Variants in RIMS2 observed in about 807,000 individuals in gnomAD.
The protein encoded by RIMS2 is regulating synaptic membrane exocytosis protein 2.
RIMS2 carries 59 observed loss-of-function variants against 174.4 expected under a neutral mutation model. The observed-to-expected ratio is 0.34, with a 90% CI of 0.27 to 0.42. RIMS2 has a LOEUF of 0.42. RIMS2 is among the 10% of genes least tolerant of loss of function. RIMS2 has a pLI of 1.00. For missense variants in RIMS2, 1,620 were observed against 1,666.3 expected (o/e 0.97, Z 0.48); for synonymous variants, 606 against 572.5 (o/e 1.06, Z -0.84).
intron 2 of RIMS2, among the ~76,000 whole-genome samples, chr8:103,757,893 G>C (rs2098047005): frequency 6.6e-6 from 1 of 152,196 alleles, no homozygotes; most frequent in Non-Finnish European, 1.5e-5. Flanking sequence ...GATTGCCAGA[G>C]GAGACAAGGA....
intron 15 of RIMS2, among the ~76,000 whole-genome samples, chr8:103,964,136 T>G (rs754909746): frequency 8.5e-5 from 13 of 152,246 alleles, no homozygotes; most frequent in Non-Finnish European, 1.6e-4. Context: ...TATAAACATC[T>G]GTGTGCAGGT....
chr8:103,571,949 A>T (rs769326726), intron 1 of RIMS2, among the ~76,000 whole-genome samples: 19 of 152,230 alleles, frequency 1.2e-4, no homozygotes, highest in Non-Finnish European at 2.6e-4. Context: ...TGACAGAAGC[A>T]ACAGCGTCAA....
chr8:104,132,104 A>G (rs1346016455), intron 19 of RIMS2, among the ~76,000 whole-genome samples: 1 of 152,162 alleles, frequency 6.6e-6, no homozygotes, highest in Admixed American at 6.5e-5. Flanking sequence ...AATAATTTAG[A>G]AAGTTATTCA....
At chr8:103,644,083 C>G (rs539251330) in intron 1 of RIMS2, among the ~76,000 whole-genome samples, 1 of 151,976 alleles carries the variant, frequency 6.6e-6, no homozygotes, top group South Asian at 2.1e-4. Flanking sequence ...ACCGAGAGAA[C>G]CCGGTGGAGC....
At chr8:103,567,846 T>G (rs2092489956) in intron 1 of RIMS2, among the ~76,000 whole-genome samples, 1 of 152,246 alleles carries the variant, frequency 6.6e-6, no homozygotes, top group Non-Finnish European at 1.5e-5. Context: ...TTTGGTTGTT[T>G]CCATCCTGGT....
At chr8:103,885,463 T>C in exon 4 of RIMS2, 1 of 1,612,650 alleles carries the variant, frequency 6.2e-7, no homozygotes, top group Non-Finnish European at 8.5e-7. Context: ...ATGAAGACTC[T>C]GATCATTTAA....
At chr8:104,074,167 C>G (rs1160312221) in intron 19 of RIMS2, among the ~76,000 whole-genome samples, 1 of 152,076 alleles carries the variant, frequency 6.6e-6, no homozygotes, top group Non-Finnish European at 1.5e-5. Flanking sequence ...CATATATGAG[C>G]TCTTCAAAAA....
At chr8:103,569,053 C>G (rs13264041) in intron 1 of RIMS2, 1 of 381,092 alleles carries the variant, frequency 2.6e-6, no homozygotes, top group Admixed American at 4.2e-5. Flanking sequence ...TCCAATTTAT[C>G]TTTTTTTTTG....
At chr8:104,091,425 A>G (rs1273029493) in intron 19 of RIMS2, among the ~76,000 whole-genome samples, 2 of 151,460 alleles carry the variant, frequency 1.3e-5, no homozygotes, top group Non-Finnish European at 1.5e-5. Flanking sequence ...AGTCTCCCAT[A>G]CGGAGTATAG....
intron 1 of RIMS2, among the ~76,000 whole-genome samples, chr8:103,536,327 C>T (rs773173855): frequency 2.0e-5 from 3 of 152,040 alleles, no homozygotes; most frequent in Admixed American, 1.3e-4. Context: ...GCAGAGAAGA[C>T]TTTAAGACTC....
At chr8:104,220,149 C>G (rs946452819) in intron 19 of RIMS2, among the ~76,000 whole-genome samples, 2 of 151,756 alleles carry the variant, frequency 1.3e-5, no homozygotes, top group African/African-American at 4.8e-5. Context: ...TCTCTGGTAC[C>G]TCTGTGCCAA....
At chr8:103,978,951 CTT>C (rs1284399919) in intron 16 of RIMS2, among the ~76,000 whole-genome samples, 3 of 152,066 alleles carry the variant, frequency 2.0e-5, no homozygotes, top group Non-Finnish European at 2.9e-5. Flanking sequence ...CAAAACATAA[CTT>C]TACAAAAAAT....
intron 19 of RIMS2, among the ~76,000 whole-genome samples, chr8:104,143,266 GT>G (rs1177364444): frequency 6.6e-6 from 1 of 152,170 alleles, no homozygotes; most frequent in Non-Finnish European, 1.5e-5. Flanking sequence ...GTGAAATAAA[GT>G]TTATTTGTAG....
chr8:103,649,771 G>A (rs144807399), intron 1 of RIMS2, among the ~76,000 whole-genome samples: 3 of 151,934 alleles, frequency 2.0e-5, no homozygotes, highest in Non-Finnish European at 4.4e-5. Context: ...GCTCCATCAG[G>A]TTGGTTATAT....
chr8:103,918,570 G>T, intron 9 of RIMS2, 83 bp downstream of exon 12: 1 of 936,212 alleles, frequency 1.1e-6, no homozygotes, highest in Non-Finnish European at 1.8e-6. Flanking sequence ...CTAGTAATGT[G>T]AAGTAAGAAA....
At chr8:103,649,990 A>G (rs2096418885) in intron 1 of RIMS2, among the ~76,000 whole-genome samples, 2 of 152,122 alleles carry the variant, frequency 1.3e-5, no homozygotes, top group Admixed American at 1.3e-4. Flanking sequence ...CATTTGAAGG[A>G]GAAGAGCTGT....
At chr8:103,988,956 C>T (rs1417758282) in intron 16 of RIMS2, among the ~76,000 whole-genome samples, 5 of 152,122 alleles carry the variant, frequency 3.3e-5, no homozygotes, top group Non-Finnish European at 7.4e-5. Flanking sequence ...CATATTTTCT[C>T]CATACAAATC....
chr8:104,159,852 C>T (rs2098750114), intron 19 of RIMS2, among the ~76,000 whole-genome samples: 1 of 152,012 alleles, frequency 6.6e-6, no homozygotes, highest in African/African-American at 2.4e-5. Flanking sequence ...TCTTAAGAGT[C>T]ATCTGACTGG....
intron 14 of RIMS2, among the ~76,000 whole-genome samples, chr8:103,957,446 T>C (rs2087788600): frequency 6.6e-6 from 1 of 152,232 alleles, no homozygotes; most frequent in Non-Finnish European, 1.5e-5. Flanking sequence ...GATGAGTTCA[T>C]GTCCTTTGCA....
Sources: allele counts gnomAD v4.1 joint callset (sites outside exome capture counted in the v4.1 genomes callset), GRCh38; gene constraint gnomAD v4.1.1; transcripts MANE v1.5; gene names NCBI Gene and HGNC (gene_info 2026-07-23, HGNC 2026-07-21).